MARCHF3: variants seen among roughly 807,000 people sequenced by gnomAD.
MARCHF3 encodes membrane associated ring-CH-type finger 3, also known as E3 ubiquitin-protein ligase MARCHF3.
In MARCHF3, 13 loss-of-function variants were observed where a neutral mutation model predicts 24.2. The ratio of observed to expected loss-of-function variants is 0.54; its 90% CI spans 0.35 to 0.85. The LOEUF is 0.85. MARCHF3 is among the 40% of genes least tolerant of loss of function. The pLI, the probability that MARCHF3 is intolerant of heterozygous loss-of-function variation, is 0.01. For missense variants in MARCHF3, 276 were observed against 325.0 expected (o/e 0.85, Z 1.16); for synonymous variants, 144 against 137.3 (o/e 1.05, Z -0.34).
chr5:126,971,871 G>A (rs1751025950), intron 1 of MARCHF3, among the ~76,000 whole-genome samples: 1 of 152,156 alleles, frequency 6.6e-6, no homozygotes, highest in South Asian at 2.1e-4. Context: ...TAACTGGCTA[G>A]CTACTTCATT....
At chr5:126,889,000 A>G (rs1329094916) in intron 3 of MARCHF3, among the ~76,000 whole-genome samples, 27 of 152,176 alleles carry the variant, frequency 1.8e-4, no homozygotes, top group Admixed American at 1.8e-3. Flanking sequence ...CCTGACTTCA[A>G]GTGATCCACC....
chr5:126,984,695 C>A (rs1561459381), intron 1 of MARCHF3, among the ~76,000 whole-genome samples: 1 of 152,196 alleles, frequency 6.6e-6, no homozygotes, highest in Non-Finnish European at 1.5e-5. Context: ...TGGGGATTCA[C>A]AGGTCCCTGA....
intron 1 of MARCHF3, among the ~76,000 whole-genome samples, chr5:126,990,127 C>T (rs889170517): frequency 6.9e-6 from 1 of 144,030 alleles, no homozygotes; most frequent in African/African-American, 2.6e-5. Flanking sequence ...GGAGGCATCA[C>T]ACTACCTGAC....
At chr5:126,933,445 CTT>C (rs1452737485) in intron 1 of MARCHF3, among the ~76,000 whole-genome samples, 40 of 137,870 alleles carry the variant, frequency 2.9e-4, no homozygotes, top group Non-Finnish European at 2.4e-4. Context: ...TTTGGTATCT[CTT>C]TTTTTTTTTT....
intron 1 of MARCHF3, among the ~76,000 whole-genome samples, chr5:127,023,797 AG>A (rs1459614998): frequency 6.6e-6 from 1 of 151,854 alleles, no homozygotes; most frequent in Non-Finnish European, 1.5e-5. Flanking sequence ...AAATAAAAAA[AG>A]GTTCCCTCAA....
chr5:126,986,601 A>C (rs1424169714), intron 1 of MARCHF3, among the ~76,000 whole-genome samples: 2 of 152,158 alleles, frequency 1.3e-5, no homozygotes, highest in Non-Finnish European at 1.5e-5. Flanking sequence ...TATATAAAAA[A>C]CTCTAAATAA....
intron 3 of MARCHF3, among the ~76,000 whole-genome samples, chr5:126,886,948 G>A (rs954802664): frequency 6.6e-6 from 1 of 152,094 alleles, no homozygotes; most frequent in African/African-American, 2.4e-5. Flanking sequence ...TACATCTTGA[G>A]TATGTTTGCA....
intron 1 of MARCHF3, among the ~76,000 whole-genome samples, chr5:126,957,782 G>A (rs941872442): frequency 3.9e-5 from 6 of 152,008 alleles, no homozygotes; most frequent in Non-Finnish European, 8.8e-5. Flanking sequence ...CATCATTTCT[G>A]TTGTTTATCC....
intron 1 of MARCHF3, among the ~76,000 whole-genome samples, chr5:127,025,322 A>G (rs1002194797): frequency 7.3e-5 from 11 of 150,006 alleles, no homozygotes; most frequent in Middle Eastern, 3.4e-3. Context: ...AAAAAAAAAA[A>G]AAAGAAAGAA....
chr5:126,935,668 T>C (rs1475238248), intron 1 of MARCHF3, among the ~76,000 whole-genome samples: 1 of 128,264 alleles, frequency 7.8e-6, no homozygotes, highest in East Asian at 2.5e-4. Flanking sequence ...TGGAGTGCAA[T>C]GGCGTGATCT....
intron 4 of MARCHF3, among the ~76,000 whole-genome samples, chr5:126,877,400 T>A (rs1753193411): frequency 6.6e-6 from 1 of 152,150 alleles, no homozygotes; most frequent in Non-Finnish European, 1.5e-5. Flanking sequence ...CTGAAAATAT[T>A]CTAGAAGACA....
At chr5:126,909,977 A>G (rs1754459694) in intron 3 of MARCHF3, among the ~76,000 whole-genome samples, 1 of 152,200 alleles carries the variant, frequency 6.6e-6, no homozygotes, top group African/African-American at 2.4e-5. Context: ...GTTTCAATTT[A>G]GCTAAACCTC....
At chr5:126,970,127 AC>A (rs35171615) in intron 1 of MARCHF3, among the ~76,000 whole-genome samples, 69,662 of 151,170 alleles carry the variant, frequency 0.46, 16,515 homozygotes, top group East Asian at 0.67. Flanking sequence ...TTGCTCTGTC[AC>A]CTAGGCTGGA....
At chr5:126,989,337 CTAATAA>C (rs969962430) in intron 1 of MARCHF3, among the ~76,000 whole-genome samples, 39 of 141,412 alleles carry the variant, frequency 2.8e-4, no homozygotes, top group African/African-American at 9.1e-4. Flanking sequence ...ACTACTACTA[CTAATAA>C]TAATAATAAT....
chr5:126,995,183 A>G (rs530729444), intron 1 of MARCHF3, among the ~76,000 whole-genome samples: 3 of 152,304 alleles, frequency 2.0e-5, no homozygotes, highest in East Asian at 3.9e-4. Context: ...TTGACACTCA[A>G]TATTAACCAC....
intron 1 of MARCHF3, among the ~76,000 whole-genome samples, chr5:126,955,711 GT>G (rs1210744219): frequency 2.0e-5 from 3 of 151,982 alleles, no homozygotes; most frequent in African/African-American, 7.3e-5. Flanking sequence ...AGTCTGAAAC[GT>G]TTTTTTCTGC....
At chr5:126,880,026 G>A (rs925953082) in intron 3 of MARCHF3, among the ~76,000 whole-genome samples, 1 of 152,156 alleles carries the variant, frequency 6.6e-6, no homozygotes, top group Non-Finnish European at 1.5e-5. Flanking sequence ...GGCCATGATG[G>A]GTGAGACAAG....
At chr5:126,925,874 G>A (rs1349849471) in intron 1 of MARCHF3, among the ~76,000 whole-genome samples, 1 of 152,214 alleles carries the variant, frequency 6.6e-6, no homozygotes, top group Non-Finnish European at 1.5e-5. Context: ...AGTGTGACCA[G>A]CAGCAAATAG....
At chr5:126,941,952 G>A (rs4836304) in intron 1 of MARCHF3, among the ~76,000 whole-genome samples, 3 of 152,316 alleles carry the variant, frequency 2.0e-5, no homozygotes, top group East Asian at 3.9e-4. Context: ...CTGGTTTACA[G>A]AATCATGGTG....
Sources: allele counts gnomAD v4.1 joint callset (sites outside exome capture counted in the v4.1 genomes callset), GRCh38; gene constraint gnomAD v4.1.1; transcripts MANE v1.5; gene names NCBI Gene and HGNC (gene_info 2026-07-23, HGNC 2026-07-21).